AKAP13: variants seen among roughly 807,000 people sequenced by gnomAD.
The protein encoded by AKAP13 is A-kinase anchor protein 13.
Under a neutral mutation model 264.5 loss-of-function variants are expected in AKAP13, and 80 were observed. That is an observed-to-expected ratio of 0.30 (90% CI 0.25 to 0.36). The LOEUF is 0.36. Among genes scored for constraint, AKAP13 ranks in the 10% least tolerant of loss-of-function variants. The probability of loss-of-function intolerance (pLI) is 1.00; values close to 1 mark genes in which losing one functional copy is unlikely to be tolerated. For synonymous variants in AKAP13, 1,380 were observed against 1,250.2 expected (o/e 1.10, Z -2.19); for missense variants, 3,712 against 3,435.2 (o/e 1.08, Z -2.01).
rs536551514 is a variant in AKAP13 at position 85,677,605 on chromosome 15, T to G, written c.5102-4553T>G. Among the ~76,000 whole-genome samples, 128 of 151,950 alleles carry G rather than the reference T, an allele frequency of 8.4e-4. 1 individual carries two copies. The highest frequency in any genetic ancestry group is 3.0e-3 in the African/African-American group (123 of 41,478). On this transcript the variant is annotated intron_variant, in intron 14 of 36. Transcript: ENST00000394518. ...TTCCTTTAAGATTAGACCCCATGAA[T>G]TAGAGGGAGGGAGTTATATACGTTT...
At chr15:85,384,211 T>G (rs2070435869) in intron 1 of AKAP13, among the ~76,000 whole-genome samples, 2 of 152,212 alleles carry the variant, frequency 1.3e-5, no homozygotes, top group Admixed American at 1.3e-4. Context: ...ACTTACAGAT[T>G]GAGGGTAAAA....
At chr15:85,629,045 A>T (rs2081568174) in intron 8 of AKAP13, among the ~76,000 whole-genome samples, 1 of 152,114 alleles carries the variant, frequency 6.6e-6, no homozygotes, top group Admixed American at 6.5e-5. Context: ...AAATTTTTAA[A>T]AAACAACTGG....
chr15:85,608,416 T>C (rs1411361159), intron 8 of AKAP13, among the ~76,000 whole-genome samples: 3 of 152,258 alleles, frequency 2.0e-5, no homozygotes, highest in Non-Finnish European at 4.4e-5. Flanking sequence ...GGATGTATCA[T>C]ACCATTTTTG....
intron 2 of AKAP13, among the ~76,000 whole-genome samples, chr15:85,490,057 G>A (rs531722632): frequency 3.3e-5 from 5 of 152,178 alleles, no homozygotes; most frequent in Admixed American, 3.3e-4. Context: ...AATGATTATT[G>A]CCAGATGAAT....
Position 85,513,501 on chromosome 15 carries a change from C to G in AKAP13, c.34-7927C>G, listed in dbSNP as rs535720221. On this transcript the variant is annotated intron_variant, in intron 2 of 36. Coordinates refer to ENST00000394518, the MANE Select transcript of AKAP13 (RefSeq NM_007200.5). ...ACAAAGAATACTCATATATTCTTTA[C>G]TCAGGGCAACACCTGTTGTTAACAT... Among the ~76,000 whole-genome samples, 5 of 152,262 alleles carry G rather than the reference C, an allele frequency of 3.3e-5. No individual in the cohort carries two copies. The South Asian group carries it at 1.0e-3, about 32-fold the overall frequency.
intron 2 of AKAP13, among the ~76,000 whole-genome samples, chr15:85,516,233 T>TAA (rs1257018215): frequency 7.2e-5 from 11 of 152,228 alleles, no homozygotes; most frequent in African/African-American, 1.9e-4. Context: ...AGGCACTTGA[T>TAA]ATAGGTGCTT....
intron 8 of AKAP13, among the ~76,000 whole-genome samples, chr15:85,633,535 C>CTTTTTTTTTTT (rs56687591): frequency 7.2e-5 from 7 of 97,736 alleles, no homozygotes; most frequent in Non-Finnish European, 1.5e-4. Flanking sequence ...CTTTTTTTTT[C>CTTTTTTTTTTT]TTTTTTTTTT....
At chr15:85,542,280 A>T (rs1281963766) in intron 4 of AKAP13, among the ~76,000 whole-genome samples, 1 of 152,222 alleles carries the variant, frequency 6.6e-6, no homozygotes, top group African/African-American at 2.4e-5. Context: ...GCCTCTGGTT[A>T]AACACCCTTT....
At chr15:85,594,405 T>C (rs868086154) in intron 8 of AKAP13, among the ~76,000 whole-genome samples, 42 of 152,318 alleles carry the variant, frequency 2.8e-4, no homozygotes, top group Middle Eastern at 3.4e-3. Context: ...AACATATAGG[T>C]GCTTGTGAAA....
In AKAP13 at chr15:85,722,107, C is replaced by G; in HGVS notation, c.6369C>G (p.Ala2123=). ...DLYAKDKRFQ[A]FVKKKMSSSV... The stretch of plus-strand genomic sequence containing the variant: ...ATGCCAAGGATAAGCGTTTTCAAGC[C>G]TTTGTAAAGGTATTGATAAGAAACA... Residue 2123 remains alanine (A), a synonymous_variant, in exon 24 of 37, where the codon GCC becomes GCG. Coordinates refer to ENST00000394518, the MANE Select transcript of AKAP13 (RefSeq NM_007200.5). 2.5e-6 allele frequency: 4 copies of G among 1,614,000 alleles called. No individual in the cohort carries two copies. Among genetic ancestry groups the G allele is most frequent in the Non-Finnish European group, 3.4e-6 (4 of 1,179,932 alleles).
chr15:85,574,255 C>T (rs534184825), intron 5 of AKAP13, among the ~76,000 whole-genome samples: 2 of 152,314 alleles, frequency 1.3e-5, no homozygotes, highest in African/African-American at 4.8e-5. Context: ...TTGTGTGCCT[C>T]ATCCCTGTTT....
At chr15:85,587,099 G>A (rs538967765) in intron 8 of AKAP13, among the ~76,000 whole-genome samples, 10 of 152,078 alleles carry the variant, frequency 6.6e-5, no homozygotes, top group Admixed American at 3.9e-4. Flanking sequence ...CGCCACTAAG[G>A]CTCTAATTTC....
At chr15:85,433,014 TTC>T (rs1330327723) in intron 1 of AKAP13, among the ~76,000 whole-genome samples, 2 of 152,112 alleles carry the variant, frequency 1.3e-5, no homozygotes, top group Non-Finnish European at 2.9e-5. Flanking sequence ...TCTTGCTTTT[TTC>T]TCTTTCTTAC....
rs775065438 is a variant in AKAP13 at position 85,585,821 on chromosome 15, G to A, written c.4159G>A (p.Ala1387Thr). Residue 1387 changes from alanine (A) to threonine (T), a missense_variant and splice_region_variant, in exon 8 of 37, where the codon GCG (alanine) becomes ACG (threonine). By Grantham distance (58) the Ala-to-Thr change is moderately conservative. This residue lies in a region of AKAP13 where 2,759 missense variants were observed against 2,411.7 expected (regional missense o/e 1.14). Coordinates refer to ENST00000394518, the MANE Select transcript of AKAP13 (RefSeq NM_007200.5). ...LKMKQGPMTQ[A>T]INRENWCTIE... ...GATGAAGCAAGGCCCAATGACCCAG[G>A]CGGTAAGTGGCATCAGTAAGTCTAT... 6.2e-7 allele frequency: 1 copy of A among 1,613,952 alleles called. No homozygotes were observed.
intron 8 of AKAP13, among the ~76,000 whole-genome samples, chr15:85,604,735 A>T (rs1488765829): frequency 6.6e-6 from 1 of 151,868 alleles, no homozygotes; most frequent in Admixed American, 6.6e-5. Flanking sequence ...AAATGCTGGG[A>T]TTACAGGCAT....
At chr15:85,482,572 A>G (rs1596308183) in intron 1 of AKAP13, among the ~76,000 whole-genome samples, 1 of 152,172 alleles carries the variant, frequency 6.6e-6, no homozygotes, top group East Asian at 1.9e-4. Flanking sequence ...ATTTGAGGTC[A>G]TTAGCAGGAG....
At chr15:85,573,409 G>T (rs997395117) in intron 5 of AKAP13, among the ~76,000 whole-genome samples, 6 of 152,102 alleles carry the variant, frequency 3.9e-5, no homozygotes, top group African/African-American at 1.4e-4. Flanking sequence ...AGCTGGGCGT[G>T]GTGGGACGCG....
At chr15:85,529,466 A>G (rs2077182302) in intron 3 of AKAP13, among the ~76,000 whole-genome samples, 1 of 152,224 alleles carries the variant, frequency 6.6e-6, no homozygotes, top group Non-Finnish European at 1.5e-5. Flanking sequence ...TTATGTACAA[A>G]GGTAGTCATA....
chr15:85,557,629 C>T (rs1038823739), intron 5 of AKAP13, among the ~76,000 whole-genome samples: 7 of 152,084 alleles, frequency 4.6e-5, no homozygotes, highest in Non-Finnish European at 8.8e-5. Context: ...CACTAACTAA[C>T]GCACCTGGCT....
Sources: gnomAD v4.1 joint callset for allele counts (sites outside exome capture counted in the v4.1 genomes callset) on GRCh38, gnomAD v4.1.1 for gene constraint, gnomAD v4.1.1 regional missense constraint, MANE v1.5 for transcripts, NCBI Gene and HGNC (gene_info 2026-07-23, HGNC 2026-07-21) for gene names.